The following DCC variants were observed in gnomAD, a reference collection of about 807,000 sequenced individuals.
The protein encoded by DCC is netrin receptor DCC.
In DCC, 58 loss-of-function variants were observed where a neutral mutation model predicts 172.5. That is an observed-to-expected ratio of 0.34 (90% confidence interval 0.27 to 0.42). The LOEUF (loss-of-function observed/expected upper bound fraction) is 0.42, where lower values mean the gene tolerates loss of function less well. Ranked by LOEUF, DCC falls within the 10% of genes least tolerant of loss-of-function variation. The pLI is 1.00. For missense variants in DCC, 1,740 were observed against 1,791.0 expected (o/e 0.97, Z 0.51); for synonymous variants, 709 against 644.5 (o/e 1.10, Z -1.52).
At chr18:53,530,401 C>T (rs1405817368) in intron 28 of DCC, 163 bp from the exon 29 acceptor site, 1 of 709,842 alleles carries the variant, frequency 1.4e-6, no homozygotes, top group Non-Finnish European at 2.6e-6. Flanking sequence ...CCTTTTATTA[C>T]CAGCATCTTC....
At chr18:52,555,222 T>C (rs1242612327) in intron 1 of DCC, among the ~76,000 whole-genome samples, 2 of 152,100 alleles carry the variant, frequency 1.3e-5, no homozygotes, top group African/African-American at 2.4e-5. Context: ...GTATTTTAGA[T>C]ATCGTCTAAA....
chr18:53,212,684 T>C (rs1427024262), intron 11 of DCC, among the ~76,000 whole-genome samples: 2 of 132,830 alleles, frequency 1.5e-5, no homozygotes, highest in Non-Finnish European at 3.4e-5. Context: ...TTTTTCTTTT[T>C]TTTTGAGACA....
chr18:52,970,489 C>G (rs2041012659), intron 5 of DCC, among the ~76,000 whole-genome samples: 1 of 152,074 alleles, frequency 6.6e-6, no homozygotes, highest in Non-Finnish European at 1.5e-5. Context: ...ATCAACATTA[C>G]TCTCCAGTGA....
In DCC at chr18:53,397,449, A is replaced by G; in HGVS notation, c.2827+3A>G. ...ACATGCCACCACGTATGAAGCAGGT[A>G]TGTGAGGAAATGTCTACTTTGGACC... On this transcript the variant is annotated splice_donor_region_variant and intron_variant, in intron 18 of 28. Coordinates refer to ENST00000442544, the MANE Select transcript of DCC (RefSeq NM_005215.4). 2 of 1,613,934 alleles carry G rather than the reference A, an allele frequency of 1.2e-6. No homozygotes were observed. The highest frequency in any genetic ancestry group is 1.7e-6 in the Non-Finnish European group (2 of 1,179,906).
intron 1 of DCC, among the ~76,000 whole-genome samples, chr18:52,684,748 GA>G (rs35727702): frequency 0.71 from 108,106 of 151,668 alleles, 38,915 homozygotes; most frequent in Admixed American, 0.76. Context: ...AAAATATTCA[GA>G]AAAAAAAATT....
chr18:53,205,132 A>G (rs1307548246), intron 9 of DCC, 84 bp from the exon 10 acceptor site: 1 of 1,062,056 alleles, frequency 9.4e-7, no homozygotes, highest in African/African-American at 1.6e-5. Context: ...TTGAACTGTA[A>G]AAATGTAATT....
At chr18:52,419,836 G>A (rs966327364) in intron 1 of DCC, among the ~76,000 whole-genome samples, 7 of 151,806 alleles carry the variant, frequency 4.6e-5, no homozygotes, top group African/African-American at 1.7e-4. Context: ...TACATATATG[G>A]GAATTATATT....
chr18:52,863,398 G>C (rs112664101), intron 2 of DCC, among the ~76,000 whole-genome samples: 2,903 of 151,718 alleles, frequency 0.019, 78 homozygotes, highest in African/African-American at 0.063. Flanking sequence ...AATACATATC[G>C]TATAAGTTTT....
intron 16 of DCC, among the ~76,000 whole-genome samples, chr18:53,387,391 G>T (rs1354727341): frequency 1.3e-5 from 2 of 152,080 alleles, no homozygotes; most frequent in Admixed American, 6.5e-5. Flanking sequence ...TTGTTTCCAG[G>T]TCTACAATCT....
At chr18:53,028,778 T>A (rs2041990099) in intron 5 of DCC, among the ~76,000 whole-genome samples, 1 of 152,176 alleles carries the variant, frequency 6.6e-6, no homozygotes, top group Non-Finnish European at 1.5e-5. Flanking sequence ...CAACCAGTGT[T>A]ACTGCAGCTA....
intron 1 of DCC, among the ~76,000 whole-genome samples, chr18:52,685,091 T>A (rs922615001): frequency 6.6e-6 from 1 of 152,140 alleles, no homozygotes; most frequent in African/African-American, 2.4e-5. Flanking sequence ...AATTAAGGAA[T>A]AATATTGTCT....
At chr18:53,386,256 T>A (rs1362440785) in intron 16 of DCC, 118 bp downstream of exon 16, 1 of 722,912 alleles carries the variant, frequency 1.4e-6, no homozygotes, top group Non-Finnish European at 2.5e-6. Context: ...TATCCTCTGA[T>A]AATCCTCAGA....
intron 2 of DCC, among the ~76,000 whole-genome samples, chr18:52,781,860 A>G (rs1279998380): frequency 1.3e-5 from 2 of 151,466 alleles, no homozygotes; most frequent in Admixed American, 6.6e-5. Flanking sequence ...AACAAAGCTT[A>G]TATTACTTTG....
chr18:52,879,128 T>C (rs887468962), intron 2 of DCC, among the ~76,000 whole-genome samples: 3 of 152,226 alleles, frequency 2.0e-5, no homozygotes, highest in African/African-American at 7.2e-5. Context: ...TACTTGTTAC[T>C]GGCTGAGTAG....
At chr18:53,285,743 T>C (rs2056928325) in intron 12 of DCC, among the ~76,000 whole-genome samples, 1 of 152,122 alleles carries the variant, frequency 6.6e-6, no homozygotes, top group Non-Finnish European at 1.5e-5. Context: ...CCACAAACGC[T>C]CAATGCTGCC....
chr18:52,446,307 A>G (rs1478032378), intron 1 of DCC, among the ~76,000 whole-genome samples: 1 of 152,232 alleles, frequency 6.6e-6, no homozygotes, highest in Non-Finnish European at 1.5e-5. Flanking sequence ...TAAGGAAAGA[A>G]GACAATAAAT....
rs147678172 is a variant in DCC, at chr18:52,900,216, A to C, written c.413-5828A>C. 2.0e-5 allele frequency among the ~76,000 whole-genome samples: 3 copies of C among 152,346 alleles called. No homozygotes were observed. The East Asian group carries it at 5.8e-4, about 29-fold the overall frequency. On this transcript the variant is annotated intron_variant, in intron 2 of 28. Coordinates refer to ENST00000442544, the MANE Select transcript of DCC (RefSeq NM_005215.4). The stretch of plus-strand genomic sequence containing the variant: ...TTACTGAAGAGCTGCAAATAGGGTA[A>C]AACCTTTACTCTTCCTTGCATGGGT...
chr18:53,030,459 G>A (rs1314669813), intron 5 of DCC, among the ~76,000 whole-genome samples: 1 of 151,746 alleles, frequency 6.6e-6, no homozygotes, highest in East Asian at 1.9e-4. Flanking sequence ...ATTCTATCTA[G>A]TATTCAGGAT....
At chr18:53,290,461 T>G (rs1346924397) in intron 12 of DCC, among the ~76,000 whole-genome samples, 1 of 152,208 alleles carries the variant, frequency 6.6e-6, no homozygotes, top group Non-Finnish European at 1.5e-5. Flanking sequence ...TACTGTACAT[T>G]GTAACAAATG....
Sources: allele counts gnomAD v4.1 joint callset (sites outside exome capture counted in the v4.1 genomes callset), GRCh38; gene constraint gnomAD v4.1.1; transcripts MANE v1.5; gene names NCBI Gene and HGNC (gene_info 2026-07-23, HGNC 2026-07-21).